The following HM13 variants were observed in gnomAD, a reference collection of about 807,000 sequenced individuals.
HM13 encodes histocompatibility minor 13, also known as signal peptide peptidase.
HM13 carries 18 observed loss-of-function variants against 50.0 expected under a neutral mutation model. The ratio of observed to expected loss-of-function variants is 0.36; its 90% CI spans 0.25 to 0.53. The LOEUF (loss-of-function observed/expected upper bound fraction) is 0.53. HM13 is among the 20% of genes least tolerant of loss of function. HM13 has a pLI of 0.90. For synonymous variants in HM13, 197 were observed against 232.6 expected, an observed-to-expected ratio of 0.85 and a Z score of 1.39; for missense variants, 393 against 552.4, an observed-to-expected ratio of 0.71 and a Z score of 2.89.
At chr20:31,535,152 GTGGGGATGT>G (rs553514230) in intron 2 of HM13, 1 of 151,674 alleles carries the variant, frequency 6.6e-6, no homozygotes, top group African/African-American at 2.4e-5. Context: ...TATCCTATTT[GTGGGGATGT>G]TGAGGCATCT....
chr20:31,566,164 C>T, intron 10 of HM13, 46 bp from the exon 11 acceptor site: 1 of 1,476,902 alleles, frequency 6.8e-7, no homozygotes, highest in Non-Finnish European at 9.5e-7. Flanking sequence ...GGCCCTGAGG[C>T]AGTGCCGTGC....
At chr20:31,524,738 G>T (rs1982387670) in intron 1 of HM13, among the ~76,000 whole-genome samples, 1 of 137,892 alleles carries the variant, frequency 7.3e-6, no homozygotes, top group Non-Finnish European at 1.5e-5. Flanking sequence ...TTTTTAGATG[G>T]AGTCTCGCTC....
At chr20:31,525,919 A>G (rs938081081) in intron 1 of HM13, among the ~76,000 whole-genome samples, 1 of 152,102 alleles carries the variant, frequency 6.6e-6, no homozygotes, top group African/African-American at 2.4e-5. Flanking sequence ...TGAGGCCAGG[A>G]GTTTGAGACC....
At chr20:31,516,377 G>A (rs1981778752) in intron 1 of HM13, among the ~76,000 whole-genome samples, 1 of 152,236 alleles carries the variant, frequency 6.6e-6, no homozygotes, top group African/African-American at 2.4e-5. Flanking sequence ...TCAGGGGTAA[G>A]GGAGGATTGC....
intron 2 of HM13, chr20:31,535,473 A>T (rs917215167): frequency 6.6e-6 from 1 of 152,248 alleles, no homozygotes; most frequent in Non-Finnish European, 1.5e-5. Flanking sequence ...AAGGAAAGTG[A>T]GACCTGGTGC....
At position 31,528,632 on chromosome 20, in the gene HM13, C is replaced by T. The variant is rs561361358; in HGVS notation, c.282+1050C>T. On this transcript the variant is annotated intron_variant, in intron 2 of 12. Coordinates refer to ENST00000398174, the MANE Select transcript of HM13 (RefSeq NM_178581.3). ...TAGCTAGGATTACAGACGCGCGCCA[C>T]CACGCCCAGCTAATTTTTGTATTTT... 4.6e-5 allele frequency among the ~76,000 whole-genome samples: 7 copies of T among 152,346 alleles called. No homozygotes were observed. The East Asian group carries it at 1.3e-3, about 29-fold the overall frequency.
chr20:31,555,319 T>G (rs1361612618), intron 8 of HM13, among the ~76,000 whole-genome samples: 2 of 152,252 alleles, frequency 1.3e-5, no homozygotes, highest in East Asian at 3.8e-4. Flanking sequence ...CATGGGCTCC[T>G]GTCTGCACTC....
At position 31,569,289 on chromosome 20, in the gene HM13, C is replaced by T. The variant is rs555052120; in HGVS notation, c.*70C>T. On this transcript the variant is annotated 3_prime_UTR_variant, in exon 13 of 13. Transcript: ENST00000398174. The stretch of plus-strand genomic sequence containing the variant: ...GGGCTGGGCCCACACAGGCGTGCAC[C>T]GGTAGAGGGCACAGGAGGCCAAGGG... 6 of 1,097,890 alleles carry T rather than the reference C, an allele frequency of 5.5e-6. No homozygotes were observed. Among genetic ancestry groups the T allele is most frequent in the South Asian group, 2.7e-5 (2 of 74,694 alleles). The allele number at this position is 1,097,890 out of a possible 1,614,324, so 68.0% of individuals were successfully genotyped here. A position where few individuals can be genotyped will look rare whatever the true frequency, so the allele number is the denominator to read the frequency against.
intron 2 of HM13, among the ~76,000 whole-genome samples, chr20:31,528,502 G>A (rs1160511354): frequency 7.3e-5 from 11 of 151,412 alleles, no homozygotes; most frequent in African/African-American, 1.7e-4. Context: ...TTTTTGAGAC[G>A]GAGTCTCGCT....
At chr20:31,546,516 T>C (rs1282665023) in intron 4 of HM13, among the ~76,000 whole-genome samples, 1 of 151,842 alleles carries the variant, frequency 6.6e-6, no homozygotes. Context: ...TTTGGGAGGC[T>C]GAGGCAGGCG....
chr20:31,518,866 T>G (rs6059750), intron 1 of HM13, among the ~76,000 whole-genome samples: 26,340 of 149,190 alleles, frequency 0.18, 3,710 homozygotes, highest in African/African-American at 0.4. Flanking sequence ...CATATATATA[T>G]AGAGAGAGAG....
chr20:31,557,547 G>A (rs920411890), intron 8 of HM13, among the ~76,000 whole-genome samples: 7 of 152,172 alleles, frequency 4.6e-5, no homozygotes, highest in African/African-American at 9.7e-5. Context: ...GAAATCAGCC[G>A]CCAGGGGGCA....
chr20:31,526,745 T>TTTCAGCCC (rs1982515336), intron 1 of HM13, among the ~76,000 whole-genome samples: 2 of 152,254 alleles, frequency 1.3e-5, no homozygotes, highest in Non-Finnish European at 2.9e-5. Context: ...ACAGTTGGTG[T>TTTCAGCCC]CTCCCTATGT....
chr20:31,557,440 G>A (rs570705405), intron 8 of HM13, among the ~76,000 whole-genome samples: 1 of 152,174 alleles, frequency 6.6e-6, no homozygotes, highest in African/African-American at 2.4e-5. Flanking sequence ...AATGTAAGTT[G>A]ATCACAGTGG....
chr20:31,563,604 G>A (rs1013103287), intron 10 of HM13, among the ~76,000 whole-genome samples: 2 of 152,082 alleles, frequency 1.3e-5, no homozygotes, highest in South Asian at 2.1e-4. Flanking sequence ...GATTACAAGC[G>A]TGAGCCACCA....
At chr20:31,561,384 T>A (rs1984600180) in intron 9 of HM13, among the ~76,000 whole-genome samples, 1 of 152,180 alleles carries the variant, frequency 6.6e-6, no homozygotes, top group Non-Finnish European at 1.5e-5. Context: ...TATTCATAAC[T>A]ACCAAGGAGA....
intron 10 of HM13, chr20:31,562,525 C>T (rs1984672886): frequency 6.6e-6 from 1 of 152,266 alleles, no homozygotes; most frequent in Non-Finnish European, 1.5e-5. Flanking sequence ...CCATGGGAAA[C>T]GCAGCATTGA....
intron 3 of HM13, among the ~76,000 whole-genome samples, chr20:31,542,082 A>AG (rs1983479229): frequency 1.3e-5 from 2 of 152,374 alleles, no homozygotes; most frequent in East Asian, 3.9e-4. Context: ...GAAAGGCTGC[A>AG]GAGAGCTGCA....
chr20:31,531,479 C>T (rs915856794), intron 2 of HM13, among the ~76,000 whole-genome samples: 1 of 151,774 alleles, frequency 6.6e-6, no homozygotes, highest in Non-Finnish European at 1.5e-5. Context: ...TTACTGAAGA[C>T]TTGTTCTCCT....
Sources: allele counts gnomAD v4.1 joint callset (sites outside exome capture counted in the v4.1 genomes callset), GRCh38; gene constraint gnomAD v4.1.1; transcripts MANE v1.5; gene names NCBI Gene and HGNC (gene_info 2026-07-23, HGNC 2026-07-21).